The following TTC28 variants were observed in gnomAD, a reference collection of about 807,000 sequenced individuals.
TTC28 encodes the protein tetratricopeptide repeat domain 28.
TTC28 carries 61 observed loss-of-function variants against 198.0 expected under a neutral mutation model. The ratio of observed to expected loss-of-function variants is 0.31; its 90% CI spans 0.25 to 0.38. TTC28 has a LOEUF of 0.38. Among genes scored for constraint, TTC28 ranks in the 10% least tolerant of loss-of-function variants. TTC28 has a pLI of 1.00. For missense variants in TTC28, 2,678 were observed against 3,164.0 expected (o/e 0.85, Z 3.69); for synonymous variants, 1,171 against 1,297.8 (o/e 0.90, Z 2.10).
intron 2 of TTC28, among the ~76,000 whole-genome samples, chr22:28,601,777 G>GACAC (rs34208241): frequency 0.074 from 10,455 of 141,448 alleles, 501 homozygotes; most frequent in East Asian, 0.16. Flanking sequence ...GTAAACCCTA[G>GACAC]ACACACACAC....
At chr22:28,362,744 G>C (rs2046178055) in intron 2 of TTC28, among the ~76,000 whole-genome samples, 1 of 152,152 alleles carries the variant, frequency 6.6e-6, no homozygotes, top group Admixed American at 6.5e-5. Context: ...AATGACTGTT[G>C]TTATGTTTCA....
At chr22:28,001,139 G>A in intron 15 of TTC28, 1 of 499,338 alleles carries the variant, frequency 2.0e-6, no homozygotes, top group Non-Finnish European at 3.6e-6. Flanking sequence ...ACTTAGACAT[G>A]ACACAAACTG....
At chr22:28,431,998 A>C (rs1055043047) in intron 2 of TTC28, among the ~76,000 whole-genome samples, 9 of 151,118 alleles carry the variant, frequency 6.0e-5, no homozygotes, top group African/African-American at 2.2e-4. Flanking sequence ...AAAATAAAAT[A>C]AAATAGGCCA....
chr22:28,080,875 A>G (rs536695116), intron 12 of TTC28, among the ~76,000 whole-genome samples: 1 of 152,224 alleles, frequency 6.6e-6, no homozygotes, highest in East Asian at 1.9e-4. Flanking sequence ...TCGTATAAAT[A>G]AGGGTCCAAC....
intron 2 of TTC28, among the ~76,000 whole-genome samples, chr22:28,325,464 A>C (rs945262592): frequency 6.6e-6 from 1 of 152,182 alleles, no homozygotes; most frequent in African/African-American, 2.4e-5. Context: ...ACTGAAACAC[A>C]GTCCATAAAG....
At chr22:28,386,847 G>GTTA (rs2046609077) in intron 2 of TTC28, among the ~76,000 whole-genome samples, 1 of 151,146 alleles carries the variant, frequency 6.6e-6, no homozygotes, top group African/African-American at 2.4e-5. Context: ...TTTGTTTTAA[G>GTTA]TTATTATTAT....
At chr22:28,329,071 G>T (rs1019122831) in intron 2 of TTC28, among the ~76,000 whole-genome samples, 3 of 151,922 alleles carry the variant, frequency 2.0e-5, no homozygotes, top group Non-Finnish European at 4.4e-5. Flanking sequence ...GGGTAGATTG[G>T]TTCAAAATTC....
chr22:28,151,338 T>G (rs773980225), intron 6 of TTC28, among the ~76,000 whole-genome samples: 1 of 152,244 alleles, frequency 6.6e-6, no homozygotes, highest in Non-Finnish European at 1.5e-5. Flanking sequence ...TGCCAGACTC[T>G]GCCTGCTGGA....
At chr22:28,228,624 C>CG (rs1294514364) in intron 5 of TTC28, among the ~76,000 whole-genome samples, 2 of 151,080 alleles carry the variant, frequency 1.3e-5, no homozygotes, top group African/African-American at 2.4e-5. Flanking sequence ...CGCTAGAACC[C>CG]GGGGGGCAGA....
intron 6 of TTC28, among the ~76,000 whole-genome samples, chr22:28,115,382 A>T (rs182794338): frequency 6.6e-6 from 1 of 152,364 alleles, no homozygotes; most frequent in African/African-American, 2.4e-5. Flanking sequence ...AGTAAAAGAC[A>T]GGCATGATTC....
intron 2 of TTC28, among the ~76,000 whole-genome samples, chr22:28,521,418 A>G (rs2048906624): frequency 6.6e-6 from 1 of 152,168 alleles, no homozygotes; most frequent in Non-Finnish European, 1.5e-5. Flanking sequence ...TACATTAAAA[A>G]AAAAGCCTAT....
intron 2 of TTC28, among the ~76,000 whole-genome samples, chr22:28,537,294 A>AACATAATAT (rs1569008943): frequency 4.0e-5 from 3 of 74,564 alleles, no homozygotes; most frequent in Admixed American, 1.1e-4. Flanking sequence ...CTCCGTCTCA[A>AACATAATAT]AAATAAAATA....
intron 12 of TTC28, among the ~76,000 whole-genome samples, chr22:28,043,028 G>A (rs1386220441): frequency 6.6e-6 from 1 of 151,894 alleles, no homozygotes; most frequent in Non-Finnish European, 1.5e-5. Context: ...GGTGGATCAC[G>A]AGGTCAGGAG....
chr22:28,476,561 G>A (rs774171658), intron 2 of TTC28, among the ~76,000 whole-genome samples: 4 of 152,060 alleles, frequency 2.6e-5, no homozygotes, highest in Non-Finnish European at 5.9e-5. Context: ...AATGTATGTT[G>A]CCACTAGCAA....
intron 2 of TTC28, among the ~76,000 whole-genome samples, chr22:28,314,427 C>T (rs968581931): frequency 3.9e-5 from 6 of 152,318 alleles, no homozygotes; most frequent in South Asian, 2.1e-4. Context: ...GCAAGAAGAA[C>T]AAAGCTGGAG....
At chr22:28,509,967 A>T (rs2048666054) in intron 2 of TTC28, among the ~76,000 whole-genome samples, 1 of 152,214 alleles carries the variant, frequency 6.6e-6, no homozygotes, top group African/African-American at 2.4e-5. Flanking sequence ...CACTCTCCAA[A>T]AACTGAACCA....
intron 5 of TTC28, among the ~76,000 whole-genome samples, chr22:28,286,982 A>G (rs2044697743): frequency 1.3e-5 from 2 of 152,228 alleles, no homozygotes; most frequent in South Asian, 2.1e-4. Flanking sequence ...TCAAAATTCC[A>G]GCAAGATGTT....
At chr22:28,324,152 G>A (rs1310135599) in intron 2 of TTC28, among the ~76,000 whole-genome samples, 1 of 152,066 alleles carries the variant, frequency 6.6e-6, no homozygotes, top group Non-Finnish European at 1.5e-5. Flanking sequence ...ACATTGATGA[G>A]CAATAAAAAA....
At chr22:28,575,905 T>C (rs2050140390) in intron 2 of TTC28, among the ~76,000 whole-genome samples, 1 of 152,154 alleles carries the variant, frequency 6.6e-6, no homozygotes, top group Non-Finnish European at 1.5e-5. Flanking sequence ...TTTGGTGGTG[T>C]CTTTAGGTTT....
Sources: gnomAD v4.1 joint callset for allele counts (sites outside exome capture counted in the v4.1 genomes callset) on GRCh38, gnomAD v4.1.1 for gene constraint, MANE v1.5 for transcripts, NCBI Gene and HGNC (gene_info 2026-07-23, HGNC 2026-07-21) for gene names.